Variants in NCKAP5 observed in about 807,000 individuals in gnomAD.
NCKAP5 encodes NCK associated protein 5.
NCKAP5 carries 92 observed loss-of-function variants against 167.0 expected under a neutral mutation model. That is an observed-to-expected ratio of 0.55 (90% CI 0.47 to 0.66). NCKAP5 has a LOEUF of 0.66. NCKAP5 is among the 30% of genes least tolerant of loss of function. The pLI is 0.00. For missense variants in NCKAP5, 2,378 were observed against 2,315.0 expected (o/e 1.03, Z -0.56); for synonymous variants, 891 against 877.4 (o/e 1.02, Z -0.27).
chr2:133,303,527 T>C (rs868150661), intron 3 of NCKAP5, among the ~76,000 whole-genome samples: 1 of 152,184 alleles, frequency 6.6e-6, no homozygotes, highest in Non-Finnish European at 1.5e-5. Context: ...TCAAACTATG[T>C]AGAATGTTTT....
At chr2:133,465,167 C>T (rs1371411049) in intron 3 of NCKAP5, among the ~76,000 whole-genome samples, 1 of 107,668 alleles carries the variant, frequency 9.3e-6, no homozygotes, top group Non-Finnish European at 1.8e-5. Context: ...CCTCCCCCCA[C>T]CCCACAACAG....
At chr2:132,987,965 T>C (rs571607739) in intron 7 of NCKAP5, among the ~76,000 whole-genome samples, 3 of 152,306 alleles carry the variant, frequency 2.0e-5, no homozygotes, top group South Asian at 4.1e-4. Context: ...AGTGAGTTCA[T>C]ACCTGTAGAA....
At position 133,355,790 on chromosome 2, in the gene NCKAP5, G is replaced by A. The variant is rs904955109; in HGVS notation, c.70-52680C>T. On this transcript the variant is annotated intron_variant, in intron 3 of 19. Transcript: ENST00000409261. ...AAAGCATAGTTTCCTCAAACCTTGC[G>A]TGTGGAGTATAATCACCTCACATAT... Among the ~76,000 whole-genome samples, 7 of 152,044 alleles carry A rather than the reference G, an allele frequency of 4.6e-5. No individual in the cohort carries two copies. The East Asian group carries it at 7.7e-4, about 17-fold the overall frequency.
At chr2:133,527,146 G>T (rs1173253117) in intron 2 of NCKAP5, 5 of 152,086 alleles carry the variant, frequency 3.3e-5, no homozygotes, top group African/African-American at 1.2e-4. Flanking sequence ...TCCATCTGGG[G>T]CCAGTTGGGT....
chr2:132,900,447 T>C (rs1423618584), intron 8 of NCKAP5, among the ~76,000 whole-genome samples: 1 of 152,130 alleles, frequency 6.6e-6, no homozygotes, highest in Non-Finnish European at 1.5e-5. Flanking sequence ...GTGTGAGAGA[T>C]ACACATACAA....
intron 3 of NCKAP5, among the ~76,000 whole-genome samples, chr2:133,422,251 A>C (rs1461184051): frequency 6.6e-6 from 1 of 152,182 alleles, no homozygotes; most frequent in African/African-American, 2.4e-5. Flanking sequence ...CAAGGAGCTT[A>C]CTCCCAGCAC....
intron 6 of NCKAP5, among the ~76,000 whole-genome samples, chr2:133,099,590 T>A (rs2081440183): frequency 6.6e-6 from 1 of 152,134 alleles, no homozygotes; most frequent in Non-Finnish European, 1.5e-5. Flanking sequence ...AAAACACAGG[T>A]GATTTCTCAA....
At chr2:133,618,474 C>T in the NCKAP5 span, among the ~76,000 whole-genome samples, 1 of 147,674 alleles carries the variant, frequency 6.8e-6, no homozygotes, top group Non-Finnish European at 1.5e-5. Flanking sequence ...AACAAACAAC[C>T]CCATCAAAAA....
intron 19 of NCKAP5, among the ~76,000 whole-genome samples, chr2:132,711,215 T>A (rs1396339570): frequency 6.6e-6 from 1 of 152,240 alleles, no homozygotes; most frequent in East Asian, 1.9e-4. Flanking sequence ...GTGCTTTCCC[T>A]TTCTCTCCAA....
At chr2:133,548,522 C>A (rs887641470) in intron 2 of NCKAP5, among the ~76,000 whole-genome samples, 8 of 151,716 alleles carry the variant, frequency 5.3e-5, no homozygotes, top group African/African-American at 1.7e-4. Flanking sequence ...AGACTAACAG[C>A]GGATCTCTCG....
chr2:132,798,362 C>A (rs1434718022), intron 11 of NCKAP5, among the ~76,000 whole-genome samples: 1 of 152,108 alleles, frequency 6.6e-6, no homozygotes, highest in African/African-American at 2.4e-5. Context: ...ATTTTACTCA[C>A]CCATATGTAA....
intron 6 of NCKAP5, among the ~76,000 whole-genome samples, chr2:133,055,486 A>ATAG (rs1020426722): frequency 8.0e-5 from 12 of 149,830 alleles, no homozygotes; most frequent in African/African-American, 2.9e-4. Flanking sequence ...ATATATATAT[A>ATAG]TATAGTTTAT....
At chr2:133,357,288 GACACACACACACACAC>G (rs10635907) in intron 3 of NCKAP5, among the ~76,000 whole-genome samples, 8 of 140,190 alleles carry the variant, frequency 5.7e-5, no homozygotes, top group African/African-American at 1.3e-4. Context: ...CACATACACA[GACACACACACACACAC>G]ACACACACAC....
At chr2:132,679,998 C>T (rs1292350419) in intron 19 of NCKAP5, among the ~76,000 whole-genome samples, 1 of 152,084 alleles carries the variant, frequency 6.6e-6, no homozygotes, top group Non-Finnish European at 1.5e-5. Flanking sequence ...TTAATGCCGC[C>T]TCTTACTGCA....
intron 8 of NCKAP5, among the ~76,000 whole-genome samples, chr2:132,912,809 G>A (rs779315495): frequency 4.6e-5 from 7 of 152,166 alleles, no homozygotes; most frequent in Non-Finnish European, 8.8e-5. Context: ...TGAGGCTTCC[G>A]TTTAAATCAG....
intron 6 of NCKAP5, among the ~76,000 whole-genome samples, chr2:133,113,724 A>C (rs2149726325): frequency 6.6e-6 from 1 of 152,338 alleles, no homozygotes; most frequent in African/African-American, 2.4e-5. Context: ...AGATCCAAAA[A>C]GTAGCCAAAT....
At chr2:133,034,369 G>C (rs1031337147) in intron 6 of NCKAP5, among the ~76,000 whole-genome samples, 1 of 152,062 alleles carries the variant, frequency 6.6e-6, no homozygotes, top group African/African-American at 2.4e-5. Flanking sequence ...ATGCTAAAGA[G>C]AGTACTTCAG....
chr2:132,861,017 A>G (rs1689865052), intron 10 of NCKAP5, among the ~76,000 whole-genome samples: 1 of 152,192 alleles, frequency 6.6e-6, no homozygotes, highest in Non-Finnish European at 1.5e-5. Flanking sequence ...AGCTAAAGAA[A>G]CTATCATTTC....
chr2:133,543,946 G>T (rs1386952028), intron 2 of NCKAP5, among the ~76,000 whole-genome samples: 1 of 152,108 alleles, frequency 6.6e-6, no homozygotes, highest in East Asian at 1.9e-4. Context: ...CATTTATCTG[G>T]TTATCTCTAT....
Sources: gnomAD v4.1 joint callset for allele counts (sites outside exome capture counted in the v4.1 genomes callset) on GRCh38, gnomAD v4.1.1 for gene constraint, MANE v1.5 for transcripts, NCBI Gene and HGNC (gene_info 2026-07-23, HGNC 2026-07-21) for gene names.